Variants in RBFOX1 observed in about 807,000 individuals in gnomAD.
RBFOX1 encodes the protein RNA binding protein fox-1 homolog 1.
Under a neutral mutation model 57.7 loss-of-function variants are expected in RBFOX1, and 8 were observed. That is an observed-to-expected ratio of 0.14 (90% CI 0.08 to 0.25). The LOEUF is 0.25. RBFOX1 is among the 10% of genes least tolerant of loss of function. The probability of loss-of-function intolerance (pLI) is 1.00; values close to 1 mark genes in which losing one functional copy is unlikely to be tolerated. For missense variants in RBFOX1, 611 were observed against 548.5 expected (o/e 1.11, Z -1.14); for synonymous variants, 326 against 222.4 (o/e 1.47, Z -4.15).
At chr16:6,958,107 G>T (rs2082242514) in intron 3 of RBFOX1, among the ~76,000 whole-genome samples, 1 of 152,144 alleles carries the variant, frequency 6.6e-6, no homozygotes, top group African/African-American at 2.4e-5. Context: ...GTGAGCTGCA[G>T]AAATGGGTGA....
At chr16:7,614,217 A>T (rs954756714) in intron 10 of RBFOX1, 2 of 152,240 alleles carry the variant, frequency 1.3e-5, no homozygotes, top group Non-Finnish European at 2.9e-5. Context: ...GAACTGGAAC[A>T]GGAGAGTCCA....
intron 3 of RBFOX1, among the ~76,000 whole-genome samples, chr16:6,730,378 C>G (rs184732816): frequency 2.7e-4 from 38 of 141,662 alleles, no homozygotes; most frequent in Admixed American, 2.3e-3. Context: ...TGGAATCTCT[C>G]TCTCTCTGTC....
At chr16:6,303,450 G>A (rs1005382584) in intron 1 of RBFOX1, among the ~76,000 whole-genome samples, 1 of 151,874 alleles carries the variant, frequency 6.6e-6, no homozygotes, top group African/African-American at 2.4e-5. Context: ...TTTCTTTATA[G>A]AGCAATGAGT....
chr16:5,758,970 A>G (rs536625752), intron 3 of RBFOX1, among the ~76,000 whole-genome samples: 2 of 152,320 alleles, frequency 1.3e-5, no homozygotes, highest in South Asian at 2.1e-4. Context: ...AGTGTGATAC[A>G]TTGGGAAGAC....
At chr16:7,449,546 ATTGT>A (rs1433331664) in intron 4 of RBFOX1, among the ~76,000 whole-genome samples, 1 of 151,916 alleles carries the variant, frequency 6.6e-6, no homozygotes, top group Non-Finnish European at 1.5e-5. Context: ...GTAATTTTGC[ATTGT>A]TTGTTTACTT....
chr16:6,474,417 T>TA lies in RBFOX1; in HGVS notation c.-64+157363dup, dbSNP rs532891322. 2.4e-3 allele frequency among the ~76,000 whole-genome samples: 368 copies of TA among 152,298 alleles called. 2 individuals carry two copies. The highest frequency in any genetic ancestry group is 8.2e-3 in the African/African-American group (340 of 41,558). ...AGCCAAAGGCTTTTGAGGAGGCACT[T>TA]AAAGAATTTTCACTTTGCAATTGTG... On this transcript the variant is annotated intron_variant, in intron 2 of 15. Transcript: ENST00000550418.
At chr16:6,552,081 AG>A (rs2097001323) in intron 2 of RBFOX1, among the ~76,000 whole-genome samples, 1 of 152,192 alleles carries the variant, frequency 6.6e-6, no homozygotes, top group African/African-American at 2.4e-5. Context: ...TTATGCTTTT[AG>A]AAATCACTTC....
At chr16:6,143,981 A>ATATATC (rs988042921) in intron 1 of RBFOX1, among the ~76,000 whole-genome samples, 7 of 149,706 alleles carry the variant, frequency 4.7e-5, no homozygotes, top group Non-Finnish European at 7.4e-5. Flanking sequence ...ATATATATAT[A>ATATATC]TCTCTACCTA....
intron 1 of RBFOX1, among the ~76,000 whole-genome samples, chr16:6,206,847 A>G (rs2097258570): frequency 6.6e-6 from 1 of 152,062 alleles, no homozygotes; most frequent in African/African-American, 2.4e-5. Context: ...ATCCTTCGCT[A>G]TTTTATATTT....
chr16:7,693,888 C>T (rs138288042), intron 14 of RBFOX1, among the ~76,000 whole-genome samples: 5 of 152,150 alleles, frequency 3.3e-5, no homozygotes, highest in Non-Finnish European at 1.5e-5. Flanking sequence ...AGCCAAAGAT[C>T]CTCTATTTCC....
At chr16:5,817,408 C>G (rs1042728535) in intron 3 of RBFOX1, among the ~76,000 whole-genome samples, 47 of 152,272 alleles carry the variant, frequency 3.1e-4, no homozygotes, top group African/African-American at 1.0e-3. Context: ...CAGGTAGTTG[C>G]ATTTTTACAG....
chr16:6,059,444 T>A (rs1211710032), intron 1 of RBFOX1, among the ~76,000 whole-genome samples: 1 of 152,208 alleles, frequency 6.6e-6, no homozygotes, highest in African/African-American at 2.4e-5. Context: ...TAATTTATAC[T>A]AAAGAAAATA....
intron 1 of RBFOX1, among the ~76,000 whole-genome samples, chr16:6,238,156 C>T (rs1377866791): frequency 2.0e-5 from 3 of 150,288 alleles, no homozygotes; most frequent in Non-Finnish European, 4.4e-5. Flanking sequence ...TTAGAAATGT[C>T]TGTGAAGTAT....
intron 1 of RBFOX1, among the ~76,000 whole-genome samples, chr16:5,385,209 A>G (rs1471238788): frequency 1.3e-5 from 2 of 152,112 alleles, no homozygotes; most frequent in Non-Finnish European, 2.9e-5. Flanking sequence ...AGGGTTACAC[A>G]CTGGAAAGTG....
At chr16:7,132,160 T>A (rs2070649036) in intron 4 of RBFOX1, among the ~76,000 whole-genome samples, 1 of 151,962 alleles carries the variant, frequency 6.6e-6, no homozygotes, top group Non-Finnish European at 1.5e-5. Context: ...TTTGTATTGT[T>A]AATGGAGATG....
intron 4 of RBFOX1, among the ~76,000 whole-genome samples, chr16:7,058,479 C>T (rs905544802): frequency 6.6e-6 from 1 of 152,156 alleles, no homozygotes; most frequent in South Asian, 2.1e-4. Flanking sequence ...TGCAACTTAG[C>T]ACTTTGTAGC....
intron 3 of RBFOX1, among the ~76,000 whole-genome samples, chr16:6,892,803 TCTCTCTCTCTCTCTCTCTCTCTCTA>T (rs2065827757): frequency 1.4e-5 from 2 of 142,244 alleles, no homozygotes; most frequent in African/African-American, 5.4e-5. Flanking sequence ...TCTCTCTCTC[TCTCTCTCTCTCTCTCTCTCTCTCTA>T]TTCTGCTTCA....
At chr16:6,890,939 G>A (rs1480960568) in intron 3 of RBFOX1, among the ~76,000 whole-genome samples, 1 of 152,186 alleles carries the variant, frequency 6.6e-6, no homozygotes, top group Non-Finnish European at 1.5e-5. Flanking sequence ...TTGCTTGCTT[G>A]TGACTGTAAG....
intron 1 of RBFOX1, among the ~76,000 whole-genome samples, chr16:5,433,713 C>A (rs1289191092): frequency 6.6e-6 from 1 of 152,332 alleles, no homozygotes; most frequent in African/African-American, 2.4e-5. Flanking sequence ...TGAATAACTG[C>A]TTTCCCTCTC....
Sources: allele counts gnomAD v4.1 joint callset (sites outside exome capture counted in the v4.1 genomes callset), GRCh38; gene constraint gnomAD v4.1.1; transcripts MANE v1.5; gene names NCBI Gene and HGNC (gene_info 2026-07-23, HGNC 2026-07-21).